ITFG1: variants seen among roughly 807,000 people sequenced by gnomAD.
ITFG1 encodes the protein T-cell immunomodulatory protein.
Under a neutral mutation model 81.8 loss-of-function variants are expected in ITFG1, and 34 were observed. The observed-to-expected ratio is 0.42, with a 90% confidence interval of 0.32 to 0.55. The LOEUF (loss-of-function observed/expected upper bound fraction) is 0.55, where lower values mean the gene tolerates loss of function less well. Ranked by LOEUF, ITFG1 falls within the 20% of genes least tolerant of loss-of-function variation. ITFG1 has a pLI of 0.17. For missense variants in ITFG1, 672 were observed against 755.4 expected (o/e 0.89, Z 1.29); for synonymous variants, 285 against 270.6 (o/e 1.05, Z -0.52).
At chr16:47,182,957 G>A (rs1486313723) in intron 14 of ITFG1, among the ~76,000 whole-genome samples, 1 of 152,226 alleles carries the variant, frequency 6.6e-6, no homozygotes, top group Non-Finnish European at 1.5e-5. Context: ...CCTCACTCGG[G>A]AAGCGCAAGG....
At chr16:47,437,705 G>C (rs145222541) in intron 5 of ITFG1, among the ~76,000 whole-genome samples, 6 of 152,110 alleles carry the variant, frequency 3.9e-5, no homozygotes, top group African/African-American at 1.4e-4. Flanking sequence ...TAAAATGTAA[G>C]GAGTTGGGGT....
At chr16:47,206,415 A>T (rs1274476180) in intron 14 of ITFG1, among the ~76,000 whole-genome samples, 1 of 152,214 alleles carries the variant, frequency 6.6e-6, no homozygotes, top group African/African-American at 2.4e-5. Flanking sequence ...AATGTATACA[A>T]TTCAGCAGTT....
chr16:47,196,012 G>GT (rs1449373292), intron 14 of ITFG1, among the ~76,000 whole-genome samples: 3 of 152,154 alleles, frequency 2.0e-5, no homozygotes, highest in East Asian at 1.9e-4. Context: ...GTAGGTTGGT[G>GT]TTTTTTTCTT....
chr16:47,159,063 A>G (rs924251003), intron 16 of ITFG1, 73 bp from the exon 17 acceptor site: 7 of 656,212 alleles, frequency 1.1e-5, no homozygotes, highest in Non-Finnish European at 1.0e-5. Flanking sequence ...TGAGACCCCA[A>G]AGCAAAATAG....
At chr16:47,169,734 T>C (rs1269884049) in intron 14 of ITFG1, among the ~76,000 whole-genome samples, 1 of 152,072 alleles carries the variant, frequency 6.6e-6, no homozygotes, top group Non-Finnish European at 1.5e-5. Context: ...ATAGCAGGAG[T>C]GAAAGTGGGC....
At chr16:47,408,050 GC>G (rs1218453313) in intron 6 of ITFG1, among the ~76,000 whole-genome samples, 17 of 152,088 alleles carry the variant, frequency 1.1e-4, no homozygotes, top group African/African-American at 3.6e-4. Flanking sequence ...ATTTTAAAAC[GC>G]AAATCAGTGT....
chr16:47,420,363 A>C (rs757350346), intron 6 of ITFG1, among the ~76,000 whole-genome samples: 3 of 152,180 alleles, frequency 2.0e-5, no homozygotes, highest in Non-Finnish European at 4.4e-5. Context: ...TATTTGGTCT[A>C]ATGTACAGTT....
At chr16:47,243,082 A>G (rs1965955522) in intron 12 of ITFG1, among the ~76,000 whole-genome samples, 1 of 152,174 alleles carries the variant, frequency 6.6e-6, no homozygotes, top group East Asian at 1.9e-4. Flanking sequence ...TCATTACAGC[A>G]CTATTCATAA....
intron 17 of ITFG1, among the ~76,000 whole-genome samples, chr16:47,157,773 A>G (rs916795470): frequency 1.3e-5 from 2 of 152,218 alleles, no homozygotes; most frequent in Non-Finnish European, 2.9e-5. Context: ...TGTTAAAAGA[A>G]CAAACACGGT....
In ITFG1 at chr16:47,154,810, G is replaced by C. The variant is rs868008120; in HGVS notation, c.*909C>G. On this transcript the variant is annotated 3_prime_UTR_variant, in exon 18 of 18. Transcript: ENST00000320640. ...ATAAGTTTTTGGAGGAAAATTTTTAGGGCACATTAATTCTTGGAGAGTACT... is the reference window on the plus strand; with the variant it reads ...ATAAGTTTTTGGAGGAAAATTTTTACGGCACATTAATTCTTGGAGAGTACT... The C allele has an allele frequency of 1.6e-4, 24 of 152,242 alleles. No individual in the cohort carries two copies. Among genetic ancestry groups the C allele is most frequent in the Middle Eastern group, 3.4e-3 (1 of 294 alleles). 9.4% of individuals were successfully genotyped at this position (152,242 alleles called of 1,614,324 possible).
intron 5 of ITFG1, among the ~76,000 whole-genome samples, chr16:47,438,353 T>C (rs747923652): frequency 7.9e-5 from 12 of 152,320 alleles, no homozygotes; most frequent in African/African-American, 2.9e-4. Context: ...TCTCCAGGCA[T>C]GCAGCTTGAG....
chr16:47,348,394 C>T (rs1224800156), intron 8 of ITFG1, among the ~76,000 whole-genome samples: 1 of 152,184 alleles, frequency 6.6e-6, no homozygotes, highest in African/African-American at 2.4e-5. Context: ...AAACCATGCA[C>T]AAGAACTACG....
At chr16:47,210,318 T>A (rs1285134060) in intron 14 of ITFG1, among the ~76,000 whole-genome samples, 1 of 152,216 alleles carries the variant, frequency 6.6e-6, no homozygotes, top group Non-Finnish European at 1.5e-5. Context: ...TTTCATGTGC[T>A]AATTGCTACC....
chr16:47,458,684 T>C (rs1228534857), intron 2 of ITFG1, among the ~76,000 whole-genome samples: 3 of 152,008 alleles, frequency 2.0e-5, no homozygotes, highest in African/African-American at 4.8e-5. Context: ...TCACCATCAG[T>C]CAATTAAACA....
chr16:47,233,722 G>A (rs1965842039), intron 13 of ITFG1, among the ~76,000 whole-genome samples: 1 of 152,128 alleles, frequency 6.6e-6, no homozygotes, highest in South Asian at 2.1e-4. Flanking sequence ...AAGAAGACAG[G>A]GAAGCTGAGA....
chr16:47,250,217 A>G (rs1250985595), intron 12 of ITFG1, among the ~76,000 whole-genome samples: 1 of 152,146 alleles, frequency 6.6e-6, no homozygotes, highest in Non-Finnish European at 1.5e-5. Flanking sequence ...TTGATTACCT[A>G]TCTTTCATTA....
chr16:47,305,323 A>G (rs934166220), intron 10 of ITFG1, among the ~76,000 whole-genome samples: 1 of 152,152 alleles, frequency 6.6e-6, no homozygotes, highest in Non-Finnish European at 1.5e-5. Flanking sequence ...AGTAAATTTC[A>G]TTTCTGTCTT....
intron 10 of ITFG1, among the ~76,000 whole-genome samples, chr16:47,287,447 C>T (rs1469416179): frequency 6.6e-6 from 1 of 151,992 alleles, no homozygotes; most frequent in Non-Finnish European, 1.5e-5. Flanking sequence ...GTCACCCAGG[C>T]AGGAGTGCAG....
chr16:47,310,646 CATG>C (rs1384168576), intron 10 of ITFG1, among the ~76,000 whole-genome samples: 10 of 152,300 alleles, frequency 6.6e-5, no homozygotes, highest in African/African-American at 2.4e-4. Context: ...TATCAACAGT[CATG>C]GTGGAATTTC....
Sources: gnomAD v4.1 joint callset for allele counts (sites outside exome capture counted in the v4.1 genomes callset) on GRCh38, gnomAD v4.1.1 for gene constraint, MANE v1.5 for transcripts, NCBI Gene and HGNC (gene_info 2026-07-23, HGNC 2026-07-21) for gene names.